The following RSRP1 variants were observed in gnomAD, a reference collection of about 807,000 sequenced individuals.
RSRP1 encodes the protein arginine and serine rich protein 1.
A neutral mutation model predicts 33.0 loss-of-function variants in RSRP1; 37 were observed. The ratio of observed to expected loss-of-function variants is 1.12; its 90% confidence interval spans 0.86 to 1.48. The LOEUF (loss-of-function observed/expected upper bound fraction) is 1.48. Ranked by LOEUF, RSRP1 falls within the 40% of genes most tolerant of loss-of-function variation. The pLI, the probability that RSRP1 is intolerant of heterozygous loss-of-function variation, is 0.00. For synonymous variants in RSRP1, 167 were observed against 158.7 expected (o/e 1.05, Z -0.40); for missense variants, 402 against 385.3 (o/e 1.04, Z -0.36).
Position 25,277,920 on chromosome 1 carries a change from C to A in RSRP1, c.-66-30891G>T, listed in dbSNP as rs1316995584. ...AACTCCCAACCTCAGGTGATGCACC[C>A]GCCTTGGCCTCCCAAAGTGCTGGGA... On this transcript the variant is annotated intron_variant, in intron 1 of 1. Transcript: ENST00000561867. Among the ~76,000 whole-genome samples, 2 of 133,104 alleles carry A rather than the reference C, an allele frequency of 1.5e-5. 1 individual carries two copies. Among genetic ancestry groups the A allele is most frequent in the Non-Finnish European group, 3.6e-5 (2 of 56,024 alleles). 87.3% of individuals were successfully genotyped at this position (133,104 alleles called of 152,430 possible). A position where few individuals can be genotyped will look rare whatever the true frequency, so the allele number is the denominator to read the frequency against.
At chr1:25,311,379 G>C (rs1644137780) in intron 1 of RSRP1, among the ~76,000 whole-genome samples, 1 of 130,900 alleles carries the variant, frequency 7.6e-6, no homozygotes. Flanking sequence ...ACATAAATTA[G>C]CCAGGCGTGG....
At chr1:25,243,971 C>T in intron 3 of RSRP1, 1 of 1,148,836 alleles carries the variant, frequency 8.7e-7, no homozygotes, top group South Asian at 1.9e-5. Context: ...GCCAGTTAGG[C>T]ACCTAATCGT....
chr1:25,245,652 C>T (rs1639313850), intron 2 of RSRP1, among the ~76,000 whole-genome samples: 1 of 152,180 alleles, frequency 6.6e-6, no homozygotes, highest in South Asian at 2.1e-4. Context: ...TTCTCCAGCT[C>T]ATTTCTTGCT....
At position 25,294,243 on chromosome 1, in the gene RSRP1, A is replaced by G. The variant is rs979109166; in HGVS notation, c.-67+43735T>C. On this transcript the variant is annotated intron_variant, in intron 1 of 1. Transcript: ENST00000561867. Reference sequence around the variant, plus strand: ...GAAATAGCAAAGCCCAGCAAAGGTTAAAGCTGAAAATGCCAAAAGCCCTGC... The same window carrying G: ...GAAATAGCAAAGCCCAGCAAAGGTTGAAGCTGAAAATGCCAAAAGCCCTGC... 946 of 897,010 alleles carry G rather than the reference A, an allele frequency of 1.1e-3. 172 individuals carry two copies. Among genetic ancestry groups the G allele is most frequent in the Non-Finnish European group, 1.6e-3 (851 of 543,818 alleles). The allele number at this position is 897,010 out of a possible 1,614,324, so 55.6% of individuals were successfully genotyped here.
intron 1 of RSRP1, among the ~76,000 whole-genome samples, chr1:25,322,538 T>G (rs1644771115): frequency 7.6e-6 from 1 of 132,340 alleles, no homozygotes; most frequent in Non-Finnish European, 1.8e-5. Context: ...CTGGGTGTGG[T>G]GGCACATGCC....
In RSRP1 at chr1:25,300,580, C is replaced by T. The variant is rs1469700149; in HGVS notation, c.-67+37398G>A. Among the ~76,000 whole-genome samples the T allele has an allele frequency of 1.0e-4, 13 of 129,056 alleles. 2 individuals carry two copies. The highest frequency in any genetic ancestry group is 2.2e-4 in the Admixed American group (3 of 13,344). The allele number at this position is 129,056 out of a possible 152,430, so 84.7% of individuals were successfully genotyped here. On this transcript the variant is annotated intron_variant, in intron 1 of 1. Transcript: ENST00000561867. ...ATCCCAGCACTTTGGGAGGCCGAGG[C>T]GGGTGGATCGCCTGAGGTCAGGAGT...
chr1:25,303,248 G>A lies in RSRP1; in HGVS notation c.-67+34730C>T, dbSNP rs1261189609. The A allele has an allele frequency of 1.4e-5, 15 of 1,043,872 alleles. 2 individuals carry two copies. The highest frequency in any genetic ancestry group is 4.7e-5 in the East Asian group (2 of 42,772). 64.7% of individuals were successfully genotyped at this position (1,043,872 alleles called of 1,614,324 possible). On this transcript the variant is annotated intron_variant, in intron 1 of 1. Coordinates refer to the RSRP1 transcript ENST00000561867. ...GTTACAGGGTTGCCTTGTTCCCAGCGTGCTGGTCACTTGCAGCAAGATGGT... is the reference window on the plus strand; with the variant it reads ...GTTACAGGGTTGCCTTGTTCCCAGCATGCTGGTCACTTGCAGCAAGATGGT...
intron 1 of RSRP1, among the ~76,000 whole-genome samples, chr1:25,299,072 TAAAAAAAAAAA>T (rs34867414): frequency 7.3e-5 from 3 of 40,878 alleles, no homozygotes; most frequent in African/African-American, 1.6e-4. Flanking sequence ...CACATGGTGA[TAAAAAAAAAAA>T]AAAAAAAAAA....
At position 25,261,717 on chromosome 1, in the gene RSRP1, T is replaced by C. The variant is rs912243787; in HGVS notation, c.-66-14688A>G. ...CCGCGCCCAGCAGATTTTTTTTTTTTTTTTTTTTTTTTGAGATGGAGTCTT... is the reference window on the plus strand; with the variant it reads ...CCGCGCCCAGCAGATTTTTTTTTTTCTTTTTTTTTTTTGAGATGGAGTCTT... On this transcript the variant is annotated intron_variant, in intron 1 of 1. Coordinates refer to the RSRP1 transcript ENST00000561867. Among the ~76,000 whole-genome samples, 40 of 145,082 alleles carry C rather than the reference T, an allele frequency of 2.8e-4. No individual in the cohort carries two copies. The South Asian group carries it at 5.9e-3, about 21-fold the overall frequency.
intron 1 of RSRP1, among the ~76,000 whole-genome samples, chr1:25,285,895 A>G (rs1641944254): frequency 1.5e-5 from 2 of 134,476 alleles, no homozygotes; most frequent in African/African-American, 5.2e-5. Context: ...GACCCTGCTA[A>G]ACCTCTGGGC....
upstream of RSRP1, among the ~76,000 whole-genome samples, chr1:25,251,143 T>C (rs1166204875): frequency 6.6e-6 from 1 of 152,110 alleles, no homozygotes. Flanking sequence ...TCCCACATCA[T>C]AGAACTGAAT....
intron 1 of RSRP1, among the ~76,000 whole-genome samples, chr1:25,286,894 ACC>A: frequency 7.4e-6 from 1 of 134,624 alleles, no homozygotes; most frequent in East Asian, 1.9e-4. Flanking sequence ...GGAGTCCGAG[ACC>A]AACCTGAGCA....
chr1:25,258,267 G>A (rs948781100), intron 1 of RSRP1, among the ~76,000 whole-genome samples: 2 of 152,046 alleles, frequency 1.3e-5, no homozygotes, highest in Admixed American at 6.6e-5. Context: ...TGCAACATCC[G>A]CCTCCCAGGT....
Position 25,243,538 on chromosome 1 carries a change from G to A in RSRP1, c.756+12C>T, listed in dbSNP as rs764535858. ...TCCAATTTTTGAGTGTTCAATGCCT[G>A]GATATACTTACATTAGAGCTAAAAG... On this transcript the variant is annotated intron_variant, in intron 4 of 4. Transcript: ENST00000243189. 2.0e-5 allele frequency: 33 copies of A among 1,611,980 alleles called. No individual in the cohort carries two copies. The highest frequency in any genetic ancestry group is 2.7e-5 in the Non-Finnish European group (32 of 1,178,924).
chr1:25,283,421 C>T (rs1442632159), intron 1 of RSRP1, among the ~76,000 whole-genome samples: 4 of 131,038 alleles, frequency 3.1e-5, no homozygotes, highest in African/African-American at 1.0e-4. Flanking sequence ...ATCCCAGCTA[C>T]TTGGGAGGCT....
rs907749260 is a variant in RSRP1 at position 25,242,336 on chromosome 1, C to G, written c.*253G>C. 3.8e-6 allele frequency: 1 copy of G among 262,912 alleles called. No individual in the cohort carries two copies. The highest frequency in any genetic ancestry group is 5.2e-5 in the Admixed American group (1 of 19,396). The allele number at this position is 262,912 out of a possible 1,614,324, so 16.3% of individuals were successfully genotyped here. On this transcript the variant is annotated 3_prime_UTR_variant, in exon 5 of 5. Coordinates refer to ENST00000243189, the MANE Select transcript of RSRP1 (RefSeq NM_020317.5). ...CTAAAAAATTTCATTTTTACATAAC[C>G]AAGACAATATTTACAACTATATACA... is the stretch of plus-strand genomic sequence containing the variant.
chr1:25,248,005 G>T (rs895039973), upstream of RSRP1: 2 of 152,372 alleles, frequency 1.3e-5, no homozygotes, highest in African/African-American at 2.4e-5. Context: ...GCGGCGCCAG[G>T]AGAAGGCGAC....
intron 1 of RSRP1, among the ~76,000 whole-genome samples, chr1:25,288,994 C>A (rs1215598393): frequency 7.5e-6 from 1 of 134,064 alleles, no homozygotes; most frequent in Non-Finnish European, 1.8e-5. Flanking sequence ...GAGGCTTAAG[C>A]GGGCATAGTC....
chr1:25,288,371 A>G (rs1642226498), intron 1 of RSRP1, among the ~76,000 whole-genome samples: 1 of 121,978 alleles, frequency 8.2e-6, no homozygotes, highest in Non-Finnish European at 1.9e-5. Flanking sequence ...GTAGAGATGG[A>G]GTCTCACTAT....
Sources: allele counts gnomAD v4.1 joint callset (sites outside exome capture counted in the v4.1 genomes callset), GRCh38; gene constraint gnomAD v4.1.1; transcripts MANE v1.5; gene names NCBI Gene and HGNC (gene_info 2026-07-23, HGNC 2026-07-21).